DTYMK: variants seen among roughly 807,000 people sequenced by gnomAD.
The protein encoded by DTYMK is thymidylate kinase.
A neutral mutation model predicts 20.3 loss-of-function variants in DTYMK; 20 were observed. The ratio of observed to expected loss-of-function variants is 0.99; its 90% confidence interval spans 0.69 to 1.43. The LOEUF (loss-of-function observed/expected upper bound fraction) is 1.43. Ranked by LOEUF, DTYMK falls within the 40% of genes most tolerant of loss-of-function variation. The pLI, the probability that DTYMK is intolerant of heterozygous loss-of-function variation, is 0.00. For missense variants in DTYMK, 320 were observed against 291.1 expected (o/e 1.10, Z -0.72); for synonymous variants, 148 against 124.4 (o/e 1.19, Z -1.27).
chr2:241,686,632 AC>A (rs773311128), intron 1 of DTYMK, 21 bp downstream of exon 1: 45 of 1,480,384 alleles, frequency 3.0e-5, no homozygotes, highest in Admixed American at 7.6e-5. Flanking sequence ...GCCGCGGCGC[AC>A]CCCCCGCCGC....
At chr2:241,685,949 A>T in intron 1 of DTYMK, 72 bp from the exon 2 acceptor site, 1 of 1,459,896 alleles carries the variant, frequency 6.8e-7, no homozygotes, top group South Asian at 1.2e-5. Context: ...TATAGTTTGG[A>T]CTGAATTTCT....
In DTYMK at chr2:241,676,281, C is replaced by A. The variant is rs111631867; in HGVS notation, c.529-44G>T. On this transcript the variant is annotated intron_variant, in intron 4 of 4. Coordinates refer to ENST00000305784, the MANE Select transcript of DTYMK (RefSeq NM_012145.4). ...CAGGAGAAAAAGAGGCTCATCAGCACGTTCCAGGCTGGTCACGGGAGCCCA... is the reference window on the plus strand; with the variant it reads ...CAGGAGAAAAAGAGGCTCATCAGCAAGTTCCAGGCTGGTCACGGGAGCCCA... The A allele has an allele frequency of 2.6e-6, 4 of 1,562,658 alleles. No individual in the cohort carries two copies. The East Asian group carries it at 6.9e-5, about 27-fold the overall frequency.
chr2:241,682,552 C>T (rs1392875146), intron 2 of DTYMK, among the ~76,000 whole-genome samples: 1 of 152,184 alleles, frequency 6.6e-6, no homozygotes, highest in Non-Finnish European at 1.5e-5. Context: ...CTTTGGGAGG[C>T]GGAGGCAGGC....
chr2:241,680,139 A>G (rs2069205990), intron 3 of DTYMK, 90 bp downstream of exon 3: 20 of 1,218,492 alleles, frequency 1.6e-5, no homozygotes, highest in Non-Finnish European at 2.4e-5. Context: ...CTGCAGAGTA[A>G]TCTGAGGCAT....
rs1271203559 is a variant in DTYMK, at chr2:241,678,082, C to T, written c.528+370G>A. The stretch of plus-strand genomic sequence containing the variant: ...CCTGAGGTCAGGAGTTGGAGACCAG[C>T]CTGACCAACGTGGAGAAACCCCATC... On this transcript the variant is annotated intron_variant, in intron 4 of 4. Transcript: ENST00000305784. 3.9e-5 allele frequency among the ~76,000 whole-genome samples: 6 copies of T among 152,114 alleles called. 1 individual carries two copies. Among genetic ancestry groups the T allele is most frequent in the African/African-American group, 1.2e-4 (5 of 41,426 alleles).
At chr2:241,684,080 C>A (rs1003248094) in intron 2 of DTYMK, among the ~76,000 whole-genome samples, 21 of 150,330 alleles carry the variant, frequency 1.4e-4, no homozygotes, top group African/African-American at 3.7e-4. Context: ...AACAAAACAA[C>A]AAAAAAAAAC....
intron 3 of DTYMK, among the ~76,000 whole-genome samples, chr2:241,678,940 A>G (rs955025449): frequency 6.6e-5 from 10 of 152,214 alleles, no homozygotes; most frequent in African/African-American, 2.4e-4. Flanking sequence ...GCACAGCTAC[A>G]GGCCTGCTGG....
At position 241,676,115 on chromosome 2, in the gene DTYMK, G is replaced by A; in HGVS notation, c.*12C>T. 1.3e-6 allele frequency: 2 copies of A among 1,544,042 alleles called. No homozygotes were observed. Among genetic ancestry groups the A allele is most frequent in the Non-Finnish European group, 1.7e-6 (2 of 1,144,970 alleles). ...ACTGCAGGGAGAGGCGTCTCCAGTG[G>A]GCAGCCTTGGGTCACTTCCATAGCT... On this transcript the variant is annotated 3_prime_UTR_variant, in exon 5 of 5. Transcript: ENST00000305784.
In DTYMK at chr2:241,678,468, G is replaced by A. The variant is rs764795929; in HGVS notation, c.512C>T (p.Thr171Met). 15 of 1,614,016 alleles carry A rather than the reference G, an allele frequency of 9.3e-6. No homozygotes were observed. Among genetic ancestry groups the A allele is most frequent in the Non-Finnish European group, 1.3e-5 (15 of 1,180,042 alleles). ...GATTCTCACCTTCCAGTTCAAAGTC[G>A]TGTCTTTCATGAGCTGGTGGAAACA... ...LRCFHQLMKD[T>M]TLNWKMVDAS... Residue 171 changes from threonine (T) to methionine (M), a missense_variant, in exon 4 of 5, where the codon ACG (threonine) becomes ATG (methionine). Transcript: ENST00000305784.
chr2:241,684,792 A>G (rs1196242024), intron 2 of DTYMK: 1 of 450,862 alleles, frequency 2.2e-6, no homozygotes, highest in African/African-American at 2.1e-5. Flanking sequence ...GAGAGTTCAT[A>G]TAAACTCAGT....
Position 241,675,975 on chromosome 2 carries a change from C to G in DTYMK, c.*152G>C, listed in dbSNP as rs1304630285. 4.0e-6 allele frequency: 3 copies of G among 747,016 alleles called. No homozygotes were observed. The highest frequency in any genetic ancestry group is 3.6e-5 in the African/African-American group (2 of 55,684). 46.3% of individuals were successfully genotyped at this position (747,016 alleles called of 1,614,324 possible). A position where few individuals can be genotyped will look rare whatever the true frequency, so the allele number is the denominator to read the frequency against. ...CGGGGGTCCCCAGTGCACCCCAGCT[C>G]CGGGGCAGAAGAGGCAGCCTGCAGA... On this transcript the variant is annotated 3_prime_UTR_variant, in exon 5 of 5. Coordinates refer to ENST00000305784, the MANE Select transcript of DTYMK (RefSeq NM_012145.4).
rs5860 is a variant in DTYMK, at chr2:241,676,047, T to C, written c.*80A>G. On this transcript the variant is annotated 3_prime_UTR_variant, in exon 5 of 5. Coordinates refer to ENST00000305784, the MANE Select transcript of DTYMK (RefSeq NM_012145.4). The stretch of plus-strand genomic sequence containing the variant: ...TCCTGAAGTTGTGGGGTCTGGACTC[T>C]GCTGGGGACGGGGCCTTCCGCGAGT... 0.62 allele frequency: 835,622 copies of C among 1,349,458 alleles called. 262,137 individuals are homozygous for C. Among genetic ancestry groups the C allele is most frequent in the Middle Eastern group, 0.7 (2,680 of 3,816 alleles). 83.6% of individuals were successfully genotyped at this position (1,349,458 alleles called of 1,614,324 possible). A position where few individuals can be genotyped will look rare whatever the true frequency, so the allele number is the denominator to read the frequency against.
chr2:241,685,623 C>T, intron 2 of DTYMK, 146 bp downstream of exon 2: 2 of 795,562 alleles, frequency 2.5e-6, no homozygotes, highest in East Asian at 2.6e-5. Flanking sequence ...GGCGCTTCAC[C>T]ACCTCTGCCC....
chr2:241,686,617 C>A lies in DTYMK; in HGVS notation c.130+37G>T, dbSNP rs2069417616. On this transcript the variant is annotated intron_variant, in intron 1 of 4. Coordinates refer to ENST00000305784, the MANE Select transcript of DTYMK (RefSeq NM_012145.4). ...AGAGCCCCTGGGAAGGCAGAGGCAC[C>A]GAAGGCCGCGGCGCACCCCCCGCCG... 3.4e-6 allele frequency: 5 copies of A among 1,472,202 alleles called. No individual in the cohort carries two copies. The East Asian group carries it at 8.0e-5, about 23-fold the overall frequency. The allele number at this position is 1,472,202 out of a possible 1,614,324, so 91.2% of individuals were successfully genotyped here.
chr2:241,678,436 A>G lies in DTYMK; in HGVS notation c.528+16T>C, dbSNP rs4076639. The G allele has an allele frequency of 0.23, 366,022 of 1,613,780 alleles. 42,727 individuals carry two copies. The highest frequency in any genetic ancestry group is 0.27 in the East Asian group (12,036 of 44,868). On this transcript the variant is annotated intron_variant, in intron 4 of 4. Coordinates refer to ENST00000305784, the MANE Select transcript of DTYMK (RefSeq NM_012145.4). ...ACTTCTCCACGCTTCCTAGTGTGCAATTCTGGGATTCTCACCTTCCAGTTC... is the reference window on the plus strand; with the variant it reads ...ACTTCTCCACGCTTCCTAGTGTGCAGTTCTGGGATTCTCACCTTCCAGTTC...
At chr2:241,680,187 A>T in intron 3 of DTYMK, 42 bp downstream of exon 3, 2 of 1,605,448 alleles carry the variant, frequency 1.2e-6, no homozygotes, top group Non-Finnish European at 1.7e-6. Flanking sequence ...TCCTGGGTCC[A>T]CACATCTGTG....
Position 241,685,801 on chromosome 2 carries a change from G to A in DTYMK, c.207C>T (p.His69=). 2 of 1,614,126 alleles carry A rather than the reference G, an allele frequency of 1.2e-6. No homozygotes were observed. Among genetic ancestry groups the A allele is most frequent in the African/African-American group, 1.3e-5 (1 of 75,058 alleles). ...CCCAGCGATTTGCAGAAAAAAGCAGGTGCACCGAGTGATCCTCCACGTCAC... is the reference window on the plus strand; with the variant it reads ...CCCAGCGATTTGCAGAAAAAAGCAGATGCACCGAGTGATCCTCCACGTCAC... ...KKSDVEDHSV[H]LLFSANRWEQ... is the part of the protein sequence containing the mutation. Residue 69 remains histidine, a synonymous_variant, in exon 2 of 5, where the codon CAC becomes CAT. Coordinates refer to ENST00000305784, the MANE Select transcript of DTYMK (RefSeq NM_012145.4).
At chr2:241,677,483 C>T (rs2069143926) in intron 4 of DTYMK, among the ~76,000 whole-genome samples, 1 of 152,266 alleles carries the variant, frequency 6.6e-6, no homozygotes, top group Admixed American at 6.5e-5. Context: ...GACCCTCGGC[C>T]CTGCTCTGGA....
chr2:241,681,466 G>A (rs985055509), intron 2 of DTYMK, among the ~76,000 whole-genome samples: 1 of 152,196 alleles, frequency 6.6e-6, no homozygotes, highest in Non-Finnish European at 1.5e-5. Context: ...GAGGCAGGAG[G>A]ATTGCTTGAG....
Sources: allele counts gnomAD v4.1 joint callset (sites outside exome capture counted in the v4.1 genomes callset), GRCh38; gene constraint gnomAD v4.1.1; transcripts MANE v1.5; gene names NCBI Gene and HGNC (gene_info 2026-07-23, HGNC 2026-07-21).